Variants in EPG5 observed in about 807,000 individuals in gnomAD.
EPG5 encodes ectopic P-granules 5 autophagy tethering factor, also known as ectopic P granules protein 5 homolog.
EPG5 carries 159 observed loss-of-function variants against 302.7 expected under a neutral mutation model. That is an observed-to-expected ratio of 0.53 (90% CI 0.46 to 0.60). The LOEUF is 0.60. Among genes scored for constraint, EPG5 ranks in the 20% least tolerant of loss-of-function variants. EPG5 has a pLI of 0.00. For missense variants in EPG5, 2,896 were observed against 3,092.4 expected (o/e 0.94, Z 1.51); for synonymous variants, 1,158 against 1,136.8 (o/e 1.02, Z -0.37).
At chr18:45,819,636 A>G in the EPG5 span, among the ~76,000 whole-genome samples, 1 of 152,232 alleles carries the variant, frequency 6.6e-6, no homozygotes, top group African/African-American at 2.4e-5. Context: ...CCAGGTCCTC[A>G]GAGGATGCAC....
chr18:45,942,705 G>A, intron 9 of EPG5, among the ~76,000 whole-genome samples: 1 of 152,116 alleles, frequency 6.6e-6, no homozygotes, highest in African/African-American at 2.4e-5. Flanking sequence ...TTTTGGGTGG[G>A]GAAGGAAGTT....
chr18:45,802,649 C>A, the EPG5 span, among the ~76,000 whole-genome samples: 1 of 152,220 alleles, frequency 6.6e-6, no homozygotes, highest in African/African-American at 2.4e-5. Flanking sequence ...TGCCCAATAC[C>A]TTTCCCCACA....
chr18:45,890,428 G>A (rs566866775), intron 27 of EPG5, among the ~76,000 whole-genome samples: 2 of 152,086 alleles, frequency 1.3e-5, no homozygotes, highest in Non-Finnish European at 2.9e-5. Flanking sequence ...GATAAAATAT[G>A]GGGAAATGCC....
chr18:45,837,779 C>T, the EPG5 span: 4 of 1,524,684 alleles, frequency 2.6e-6, no homozygotes, highest in Middle Eastern at 2.2e-4. Context: ...CGACCTCTCG[C>T]TGCGCGTCGA....
the EPG5 span, among the ~76,000 whole-genome samples, chr18:45,807,984 C>T: frequency 2.0e-5 from 3 of 151,932 alleles, no homozygotes; most frequent in Non-Finnish European, 4.4e-5. Flanking sequence ...AAAAATGATA[C>T]AAGAAGTGAA....
chr18:45,805,205 A>C, the EPG5 span, among the ~76,000 whole-genome samples: 10 of 152,114 alleles, frequency 6.6e-5, no homozygotes, highest in Non-Finnish European at 1.3e-4. Context: ...AAACAGGAAA[A>C]AGGGGTTATT....
chr18:45,904,305 T>C (rs1324731285), intron 24 of EPG5, among the ~76,000 whole-genome samples, 188 bp from the exon 25 acceptor site: 1 of 152,178 alleles, frequency 6.6e-6, no homozygotes, highest in Non-Finnish European at 1.5e-5. Flanking sequence ...CTGTAAAACT[T>C]TTTTGATTGT....
chr18:45,913,659 A>C (rs755105447), intron 21 of EPG5, 47 bp downstream of exon 21: 8 of 1,606,698 alleles, frequency 5.0e-6, no homozygotes, highest in Non-Finnish European at 6.8e-6. Flanking sequence ...TCAGCATCAA[A>C]GTGTAAGCCA....
At position 45,910,521 on chromosome 18, in the gene EPG5, C is replaced by T. The variant is rs749547713; in HGVS notation, c.4205G>A (p.Arg1402Lys). Residue 1402 changes from arginine (R) to lysine (K), a missense_variant and splice_region_variant, in exon 23 of 44, where the codon AGG becomes AAG. Physicochemically the swap from Arg to Lys is conservative, Grantham distance 26 (BLOSUM62 2). Coordinates refer to ENST00000282041, the MANE Select transcript of EPG5 (RefSeq NM_020964.3). ...TSPELHKELV[R>K]LFNVYILWLE... ...TAGGTGGCTAAATAACCATACTCAC[C>T]TCACCAGCTCCTTGTGCAGTTCTGG... 2.9e-5 allele frequency: 46 copies of T among 1,599,126 alleles called. 1 individual carries two copies. Among genetic ancestry groups the T allele is most frequent in the Middle Eastern group, 4.1e-4 (2 of 4,854 alleles).
At chr18:45,813,402 C>T in the EPG5 span, among the ~76,000 whole-genome samples, 1 of 152,180 alleles carries the variant, frequency 6.6e-6, no homozygotes, top group African/African-American at 2.4e-5. Context: ...TTGACCCAGC[C>T]ATCCCATTAC....
At chr18:45,953,289 C>G in intron 2 of EPG5, 3 of 985,102 alleles carry the variant, frequency 3.0e-6, no homozygotes, top group Non-Finnish European at 3.6e-6. Flanking sequence ...AATGTGATAT[C>G]TCCAAAACTT....
intron 14 of EPG5, among the ~76,000 whole-genome samples, chr18:45,925,231 G>A (rs6507648): frequency 0.16 from 24,655 of 152,204 alleles, 2,403 homozygotes; most frequent in Admixed American, 0.3. Flanking sequence ...AGCACTTTGG[G>A]AAGCCGAGGC....
intron 6 of EPG5, 127 bp downstream of exon 6, chr18:45,948,376 T>A: frequency 1.4e-6 from 1 of 732,896 alleles, no homozygotes; most frequent in Non-Finnish European, 2.3e-6. Flanking sequence ...AAATCTGCAA[T>A]GTTAAATTCT....
chr18:45,870,799 A>G, intron 35 of EPG5, 57 bp from the exon 36 acceptor site: 2 of 1,418,960 alleles, frequency 1.4e-6, no homozygotes, highest in Admixed American at 4.6e-5. Context: ...AAAAAAAAAA[A>G]AAAAAAGCAA....
In EPG5 at chr18:45,925,786, T is replaced by G; in HGVS notation, c.2670A>C (p.Lys890Asn). 9 of 1,573,880 alleles carry G rather than the reference T, an allele frequency of 5.7e-6. No homozygotes were observed. The highest frequency in any genetic ancestry group is 7.7e-6 in the Non-Finnish European group (9 of 1,163,634). Residue 890 changes from lysine to asparagine, a missense_variant, in exon 14 of 44, where the codon AAA becomes AAC. By Grantham distance (94) the Lys-to-Asn change is moderately conservative. This residue lies in a region of EPG5 where 1,390 missense variants were observed against 1,430.0 expected (regional missense o/e 0.97). Coordinates refer to ENST00000282041, the MANE Select transcript of EPG5 (RefSeq NM_020964.3). ...GTCCTTCAAGAATAACACAGGCCAG[T>G]TTATTCTTCACCACTGTCAGGTTGT... ...LNYNLTVVKN[K>N]LACVILEGLN... is the part of the protein sequence containing the mutation.
chr18:45,891,542 T>G (rs1039946574), intron 27 of EPG5, among the ~76,000 whole-genome samples: 3 of 151,108 alleles, frequency 2.0e-5, no homozygotes, highest in African/African-American at 7.3e-5. Context: ...CAATGGTCCT[T>G]CCTATTTGTT....
intron 43 of EPG5, 106 bp downstream of exon 43, chr18:45,855,467 A>G: frequency 1.4e-6 from 1 of 733,552 alleles, no homozygotes; most frequent in Non-Finnish European, 2.3e-6. Context: ...CTGTGCTACC[A>G]CCACAGAGCA....
chr18:45,813,316 T>G, the EPG5 span, among the ~76,000 whole-genome samples: 2 of 152,196 alleles, frequency 1.3e-5, no homozygotes, highest in Non-Finnish European at 2.9e-5. Flanking sequence ...ACACTGTTGG[T>G]GGGACTGTAA....
rs775740914 is a variant in EPG5, at chr18:45,880,201, G to A, written c.5541C>T (p.Ser1847=). ...LMQSSAEQLL[S]PECWKATLRA... is the part of the protein sequence containing the mutation. The stretch of plus-strand genomic sequence containing the variant: ...TCAGAGTGGCCTTCCAACACTCGGG[G>A]CTCAGAAGCTGCTCCGCGGAGCCTG... The change falls in exon 32 of 44, where the codon AGC becomes AGT. Residue 1847 remains serine (S), a synonymous_variant. Coordinates refer to ENST00000282041, the MANE Select transcript of EPG5 (RefSeq NM_020964.3). 126 of 1,603,738 alleles carry A rather than the reference G, an allele frequency of 7.9e-5. No homozygotes were observed. The highest frequency in any genetic ancestry group is 1.0e-4 in the Non-Finnish European group (119 of 1,173,872).
Sources: allele counts gnomAD v4.1 joint callset (sites outside exome capture counted in the v4.1 genomes callset), GRCh38; gene constraint gnomAD v4.1.1; regional missense constraint gnomAD v4.1.1; transcripts MANE v1.5; gene names NCBI Gene and HGNC (gene_info 2026-07-23, HGNC 2026-07-21).